The following DVL1 variants were observed in gnomAD, a reference collection of about 807,000 sequenced individuals.
DVL1 encodes the protein dishevelled segment polarity protein 1.
DVL1 carries 49 observed loss-of-function variants against 65.0 expected under a neutral mutation model. The observed-to-expected ratio is 0.75, with a 90% confidence interval of 0.60 to 0.96. The LOEUF (loss-of-function observed/expected upper bound fraction) is 0.96, where lower values mean the gene tolerates loss of function less well. DVL1 is among the 40% of genes least tolerant of loss of function. DVL1 has a pLI of 0.00. For missense variants in DVL1, 1,197 were observed against 1,045.4 expected (o/e 1.15, Z -2.00); for synonymous variants, 608 against 433.9 (o/e 1.40, Z -4.99).
Position 1,337,994 on chromosome 1 carries a change from C to T in DVL1, c.1697G>A (p.Gly566Glu), listed in dbSNP as rs746416838. ...GTTCTCACCTTCACTCTGCTGACTC[C>T]CGGTGCTGCCGCTGCCATAGCTAAA... ...PGFSYGSGSTGSQQSEGSKSS... is the reference protein window; with the variant it reads ...PGFSYGSGSTESQQSEGSKSS... Residue 566 changes from glycine (G) to glutamate (E), a missense_variant, in exon 14 of 15, where the codon GGG (glycine) becomes GAG (glutamate). Physicochemically the swap from Gly to Glu is moderately conservative, Grantham distance 98. Coordinates refer to ENST00000378888, the MANE Select transcript of DVL1 (RefSeq NM_001330311.2). 6.2e-7 allele frequency: 1 copy of T among 1,611,520 alleles called. No individual in the cohort carries two copies. Among genetic ancestry groups the T allele is most frequent in the Non-Finnish European group, 8.5e-7 (1 of 1,179,658 alleles).
At chr1:1,336,563 G>C in intron 14 of DVL1, 48 bp from the exon 15 acceptor site, 23 of 1,477,886 alleles carry the variant, frequency 1.6e-5, no homozygotes, top group Non-Finnish European at 2.0e-5. Flanking sequence ...CACCAGGCCC[G>C]GCCACGTCCA....
chr1:1,347,237 C>T (rs1392148186), intron 1 of DVL1, among the ~76,000 whole-genome samples: 1 of 152,144 alleles, frequency 6.6e-6, no homozygotes, highest in Non-Finnish European at 1.5e-5. Flanking sequence ...GACTCCCAGC[C>T]CCCTGTAAGT....
chr1:1,338,229 T>TCCCCCC, intron 13 of DVL1, 40 bp downstream of exon 13: 5 of 1,522,370 alleles, frequency 3.3e-6, no homozygotes, highest in South Asian at 2.3e-5. Flanking sequence ...CCTCCGGCGT[T>TCCCCCC]CCCCTCCCCC....
At position 1,348,988 on chromosome 1, in the gene DVL1, C is replaced by T; in HGVS notation, c.78G>A (p.Glu26=). The stretch of plus-strand genomic sequence containing the variant: ...TCTTGAAGTCGGCCAGCGTGACGCG[C>T]TCGGGGGCCACGGGCAGCTTGACCA... ...PYLVKLPVAP[E]RVTLADFKNV... The change falls in exon 1 of 15, where the codon GAG becomes GAA. Residue 26 remains glutamate (E), a synonymous_variant. Coordinates refer to ENST00000378888, the MANE Select transcript of DVL1 (RefSeq NM_001330311.2). 6.3e-7 allele frequency: 1 copy of T among 1,578,986 alleles called. No individual in the cohort carries two copies. The highest frequency in any genetic ancestry group is 8.6e-7 in the Non-Finnish European group (1 of 1,160,374).
Position 1,336,374 on chromosome 1 carries a change from C to T in DVL1, c.1856G>A (p.Arg619His), listed in dbSNP as rs570904822. The change falls in exon 15 of 15, where the codon CGT (arginine) becomes CAT (histidine). Residue 619 changes from arginine (R) to histidine (H), a missense_variant. Physicochemically the swap from Arg to His is conservative, Grantham distance 29. Transcript: ENST00000378888. Reference sequence around the variant, plus strand: ...GCCACGGCTGAGCTGGCCGGCCGGACGCTCTCGCCAGCTGCTCCCCACCCC... The same window carrying T: ...GCCACGGCTGAGCTGGCCGGCCGGATGCTCTCGCCAGCTGCTCCCCACCCC... ...PSGVGSSWRE[R>H]PAGQLSRGSS... 301 of 1,597,938 alleles carry T rather than the reference C, an allele frequency of 1.9e-4. No homozygotes were observed. In the East Asian group the frequency reaches 5.7e-3, roughly 30 times the overall value.
At chr1:1,348,058 G>A (rs940920331) in intron 1 of DVL1, among the ~76,000 whole-genome samples, 14 of 152,182 alleles carry the variant, frequency 9.2e-5, no homozygotes. Flanking sequence ...CACCTCCTGG[G>A]GCCACGAGGC....
At position 1,342,051 on chromosome 1, in the gene DVL1, A is replaced by G; in HGVS notation, c.466+2T>C. ...ACAGCTGGGCAGACATGACCACTGT[A>G]CCCTCCTCGCGGTTCCGGCGTCGGG... On this transcript the variant is annotated splice_donor_variant, in intron 4 of 14. Transcript: ENST00000378888. LOFTEE classifies it high-confidence loss of function. 6.4e-7 allele frequency: 1 copy of G among 1,569,322 alleles called. No individual in the cohort carries two copies. The highest frequency in any genetic ancestry group is 8.6e-7 in the Non-Finnish European group (1 of 1,157,526).
chr1:1,341,967 G>C (rs1643847363), intron 4 of DVL1, 86 bp downstream of exon 4: 5 of 1,457,186 alleles, frequency 3.4e-6, no homozygotes, highest in Non-Finnish European at 4.6e-6. Flanking sequence ...CTGGCTGGGG[G>C]ACAGGAACTG....
In DVL1 at chr1:1,336,184, C is replaced by T; in HGVS notation, c.2046G>A (p.Lys682=). 2 of 1,573,098 alleles carry T rather than the reference C, an allele frequency of 1.3e-6. No homozygotes were observed. The highest frequency in any genetic ancestry group is 1.7e-6 in the Non-Finnish European group (2 of 1,165,028). The change falls in exon 15 of 15, where the codon AAG becomes AAA. Residue 682 remains lysine (K), a synonymous_variant. Coordinates refer to ENST00000378888, the MANE Select transcript of DVL1 (RefSeq NM_001330311.2). The part of the protein sequence containing the change: ...ELTGSRQSFQ[K]AMGNPCEFFV... ...AGAACTCGCAGGGGTTCCCCATAGC[C>T]TTCTGGAAGGACTGGCGGCTGCCTG... is the stretch of plus-strand genomic sequence containing the variant.
At chr1:1,348,757 C>T in intron 1 of DVL1, 139 bp downstream of exon 1, 1 of 693,726 alleles carries the variant, frequency 1.4e-6, no homozygotes, top group Non-Finnish European at 1.9e-6. Flanking sequence ...CCGCCACCCG[C>T]GCCGCATCTA....
chr1:1,338,979 C>T (rs1176894546), intron 11 of DVL1, among the ~76,000 whole-genome samples: 1 of 152,242 alleles, frequency 6.6e-6, no homozygotes, highest in African/African-American at 2.4e-5. Context: ...CACCCGAGAG[C>T]GCAGGCTGTT....
chr1:1,344,810 G>A (rs1234279416), intron 1 of DVL1, among the ~76,000 whole-genome samples: 1 of 152,162 alleles, frequency 6.6e-6, no homozygotes, highest in African/African-American at 2.4e-5. Context: ...AGGGGGCCAG[G>A]GCCCACAGTG....
At chr1:1,344,265 G>T (rs540830044) in intron 1 of DVL1, among the ~76,000 whole-genome samples, 1 of 152,358 alleles carries the variant, frequency 6.6e-6, no homozygotes. Flanking sequence ...ACGGGGCTTG[G>T]CCTGGCCGCA....
intron 13 of DVL1, 40 bp downstream of exon 13, chr1:1,338,229 T>TTGGGGGGG: frequency 6.6e-7 from 1 of 1,522,372 alleles, no homozygotes; most frequent in Non-Finnish European, 9.0e-7. Context: ...CCTCCGGCGT[T>TTGGGGGGG]CCCCTCCCCC....
chr1:1,342,304 G>A lies in DVL1; in HGVS notation c.362+59C>T, dbSNP rs1041984429. The stretch of plus-strand genomic sequence containing the variant: ...CCAGGCAGGCCTCCCTCCCCTGTTG[G>A]CCAGCAACCCCCATGACAGGCTTGG... On this transcript the variant is annotated intron_variant, in intron 3 of 14. Coordinates refer to ENST00000378888, the MANE Select transcript of DVL1 (RefSeq NM_001330311.2). 11 of 1,511,730 alleles carry A rather than the reference G, an allele frequency of 7.3e-6. No individual in the cohort carries two copies. In the African/African-American group the frequency reaches 1.2e-4, roughly 17 times the overall value. 93.6% of individuals were successfully genotyped at this position (1,511,730 alleles called of 1,614,324 possible). A position where few individuals can be genotyped will look rare whatever the true frequency, so the allele number is the denominator to read the frequency against.
At chr1:1,348,359 G>A (rs1398238127) in intron 1 of DVL1, among the ~76,000 whole-genome samples, 1 of 152,204 alleles carries the variant, frequency 6.6e-6, no homozygotes. Flanking sequence ...ACACGGGTAG[G>A]CGAATAAAGT....
intron 1 of DVL1, among the ~76,000 whole-genome samples, chr1:1,346,900 G>A (rs372069413): frequency 2.0e-5 from 3 of 152,222 alleles, no homozygotes; most frequent in East Asian, 3.8e-4. Context: ...TCAGTGTCTA[G>A]TTCAGCAGTC....
At chr1:1,337,946 G>A (rs760247378) in intron 14 of DVL1, 31 bp downstream of exon 14, 178 of 1,584,586 alleles carry the variant, frequency 1.1e-4, no homozygotes, top group Non-Finnish European at 1.4e-4. Context: ...GGGCGGAGCC[G>A]GGGAAGGGCA....
chr1:1,342,665 CG>C (rs948861324), intron 2 of DVL1, 23 bp downstream of exon 2: 2 of 1,611,348 alleles, frequency 1.2e-6, no homozygotes, highest in African/African-American at 2.7e-5. Flanking sequence ...GGCGAGCCTT[CG>C]GGGCCAAGAC....
Sources: gnomAD v4.1 joint callset for allele counts (sites outside exome capture counted in the v4.1 genomes callset) on GRCh38, gnomAD v4.1.1 for gene constraint, MANE v1.5 for transcripts, NCBI Gene and HGNC (gene_info 2026-07-23, HGNC 2026-07-21) for gene names.